CPQ: variants seen among roughly 807,000 people sequenced by gnomAD.
The protein encoded by CPQ is Ser-Met dipeptidase.
In CPQ, 37 loss-of-function variants were observed where a neutral mutation model predicts 45.7. The ratio of observed to expected loss-of-function variants is 0.81; its 90% CI spans 0.62 to 1.07. The LOEUF (loss-of-function observed/expected upper bound fraction) is 1.07. CPQ is among the 50% of genes least tolerant of loss of function. CPQ has a pLI of 0.00. For missense variants in CPQ, 537 were observed against 572.9 expected (o/e 0.94, Z 0.64); for synonymous variants, 186 against 205.8 (o/e 0.90, Z 0.82).
At chr8:97,026,023 T>C (rs530714470) in intron 5 of CPQ, among the ~76,000 whole-genome samples, 8 of 152,350 alleles carry the variant, frequency 5.3e-5, no homozygotes, top group South Asian at 4.1e-4. Flanking sequence ...AGAAGTTATG[T>C]ATTTTCCTAC....
At chr8:96,783,751 G>A (rs1810721798) in intron 1 of CPQ, among the ~76,000 whole-genome samples, 1 of 152,122 alleles carries the variant, frequency 6.6e-6, no homozygotes, top group African/African-American at 2.4e-5. Context: ...TATCTATTGA[G>A]TACTTGAAAT....
chr8:97,082,384 A>C (rs1194111592), intron 7 of CPQ, among the ~76,000 whole-genome samples: 1 of 125,884 alleles, frequency 7.9e-6, no homozygotes, highest in Non-Finnish European at 1.8e-5. Context: ...GCCTGGCTCC[A>C]TCCCTGTGGT....
intron 1 of CPQ, among the ~76,000 whole-genome samples, chr8:96,753,936 T>A (rs923061236): frequency 2.8e-4 from 43 of 152,114 alleles, no homozygotes; most frequent in African/African-American, 9.9e-4. Flanking sequence ...AAAACAGTGT[T>A]GAATTTTATC....
intron 4 of CPQ, among the ~76,000 whole-genome samples, chr8:96,940,259 G>T (rs1813107081): frequency 1.3e-5 from 2 of 152,044 alleles, no homozygotes; most frequent in South Asian, 4.1e-4. Flanking sequence ...AATTCTAGTA[G>T]AAATCCATAT....
chr8:97,098,868 T>C (rs1022811323), intron 7 of CPQ, among the ~76,000 whole-genome samples: 4 of 151,990 alleles, frequency 2.6e-5, no homozygotes, highest in Non-Finnish European at 4.4e-5. Flanking sequence ...AATTCTACAA[T>C]AGCCTGAGGT....
rs866410574 is a variant in CPQ, at chr8:97,036,746, C to A, written c.1053+7252C>A. Among the ~76,000 whole-genome samples the A allele has an allele frequency of 5.3e-5, 8 of 152,166 alleles. No individual in the cohort carries two copies. The South Asian group carries it at 6.2e-4, about 12-fold the overall frequency. ...CATTTTAAGGAAAAATATGATCTGG[C>A]ATAATTATAATGAGTAAGGTAATCT... On this transcript the variant is annotated intron_variant, in intron 6 of 7. Transcript: ENST00000220763.
At chr8:96,916,872 G>C (rs184694574) in intron 4 of CPQ, among the ~76,000 whole-genome samples, 54 of 152,230 alleles carry the variant, frequency 3.5e-4, no homozygotes, top group Non-Finnish European at 6.5e-4. Context: ...TTTTTCAAAA[G>C]TTTAGACTGG....
chr8:97,130,078 C>G (rs544216088), intron 7 of CPQ, among the ~76,000 whole-genome samples: 1 of 152,346 alleles, frequency 6.6e-6, no homozygotes, highest in Non-Finnish European at 1.5e-5. Flanking sequence ...ATGATTATTT[C>G]TCAGCTATAC....
intron 1 of CPQ, among the ~76,000 whole-genome samples, chr8:96,709,413 T>C (rs1217687575): frequency 6.7e-6 from 1 of 150,144 alleles, no homozygotes; most frequent in Non-Finnish European, 1.5e-5. Context: ...CCATGTTGCT[T>C]CAAAGTACAT....
At chr8:97,027,581 C>T (rs1809824355) in intron 5 of CPQ, among the ~76,000 whole-genome samples, 2 of 152,142 alleles carry the variant, frequency 1.3e-5, no homozygotes, top group African/African-American at 4.8e-5. Flanking sequence ...ACAGCTAGTG[C>T]CTAATGATAG....
At chr8:96,879,266 T>A (rs1812188781) in intron 3 of CPQ, among the ~76,000 whole-genome samples, 4 of 152,222 alleles carry the variant, frequency 2.6e-5, no homozygotes, top group Admixed American at 1.3e-4. Context: ...TAGGAATATA[T>A]TCCCAGACAT....
intron 4 of CPQ, among the ~76,000 whole-genome samples, chr8:96,897,069 AT>A (rs1448779752): frequency 6.6e-6 from 1 of 152,162 alleles, no homozygotes; most frequent in Non-Finnish European, 1.5e-5. Context: ...TTGAGGCAGT[AT>A]TATCATACTT....
intron 4 of CPQ, among the ~76,000 whole-genome samples, chr8:96,931,370 C>T (rs10108385): frequency 0.082 from 12,434 of 152,226 alleles, 965 homozygotes; most frequent in African/African-American, 0.21. Flanking sequence ...TCCTATAGTT[C>T]ATAGTGGCCC....
chr8:97,005,297 G>T (rs1260201338), intron 5 of CPQ, among the ~76,000 whole-genome samples: 1 of 151,912 alleles, frequency 6.6e-6, no homozygotes, highest in East Asian at 2.0e-4. Context: ...GGCCAAGATG[G>T]TCTCAATCGC....
chr8:96,895,303 G>A (rs1812429857), intron 4 of CPQ, among the ~76,000 whole-genome samples: 1 of 152,128 alleles, frequency 6.6e-6, no homozygotes, highest in African/African-American at 2.4e-5. Context: ...GTTGCTGTTA[G>A]CATCTTGCTG....
chr8:96,969,692 G>T (rs1374361053), intron 5 of CPQ, among the ~76,000 whole-genome samples: 1 of 152,100 alleles, frequency 6.6e-6, no homozygotes, highest in Non-Finnish European at 1.5e-5. Flanking sequence ...GGGATTATAG[G>T]GGGAGACAGG....
At chr8:97,110,328 C>T (rs1811479305) in intron 7 of CPQ, among the ~76,000 whole-genome samples, 1 of 152,112 alleles carries the variant, frequency 6.6e-6, no homozygotes, top group Admixed American at 6.5e-5. Flanking sequence ...GAGTACTATT[C>T]CATTATATAA....
At chr8:96,793,607 A>G (rs1472605920) in intron 2 of CPQ, among the ~76,000 whole-genome samples, 1 of 152,210 alleles carries the variant, frequency 6.6e-6, no homozygotes, top group Non-Finnish European at 1.5e-5. Flanking sequence ...CTCACATTTC[A>G]AAACCAATCA....
In CPQ at chr8:96,750,652, G is replaced by T. The variant is rs1810246264; in HGVS notation, c.-34-34212G>T. On this transcript the variant is annotated intron_variant, in intron 1 of 7. Coordinates refer to ENST00000220763, the MANE Select transcript of CPQ (RefSeq NM_016134.4). ...TCTTCAACTTTTATTTTAAGTTCTG[G>T]GTTACTAGTGCAGGATGTACAGATT... Among the ~76,000 whole-genome samples, 6 of 149,798 alleles carry T rather than the reference G, an allele frequency of 4.0e-5. No individual in the cohort carries two copies. In the South Asian group the frequency reaches 1.1e-3, roughly 26 times the overall value.
Sources: allele counts gnomAD v4.1 joint callset (sites outside exome capture counted in the v4.1 genomes callset), GRCh38; gene constraint gnomAD v4.1.1; transcripts MANE v1.5; gene names NCBI Gene and HGNC (gene_info 2026-07-23, HGNC 2026-07-21).